Variants in PRKCB observed in about 807,000 individuals in gnomAD.
PRKCB encodes protein kinase C beta.
In PRKCB, 13 loss-of-function variants were observed where a neutral mutation model predicts 81.5. That is an observed-to-expected ratio of 0.16 (90% CI 0.10 to 0.25). The LOEUF is 0.25. PRKCB is among the 10% of genes least tolerant of loss of function. The pLI, the probability that PRKCB is intolerant of heterozygous loss-of-function variation, is 1.00. For missense variants in PRKCB, 509 were observed against 875.7 expected (o/e 0.58, Z 5.29); for synonymous variants, 335 against 321.4 (o/e 1.04, Z -0.45).
intron 3 of PRKCB, among the ~76,000 whole-genome samples, chr16:24,018,340 C>T (rs1197794189): frequency 1.3e-5 from 2 of 152,142 alleles, no homozygotes; most frequent in Non-Finnish European, 2.9e-5. Flanking sequence ...CGTGAGCCAC[C>T]GGACCTGGCA....
chr16:23,934,926 C>T (rs1387568693), intron 2 of PRKCB, among the ~76,000 whole-genome samples: 1 of 152,156 alleles, frequency 6.6e-6, no homozygotes, highest in Non-Finnish European at 1.5e-5. Flanking sequence ...ACTTCTTGAA[C>T]AAAGTTGGCT....
rs532814112 is a variant in PRKCB at position 24,183,660 on chromosome 16, G to A, written c.1534-1451G>A. On this transcript the variant is annotated intron_variant, in intron 13 of 16. Coordinates refer to ENST00000643927, the MANE Select transcript of PRKCB (RefSeq NM_002738.7). ...GAGGGCATAATATGTGAAAGCCACC[G>A]AGTATCTCATTCATCCTCACATAAC... Among the ~76,000 whole-genome samples, 213 of 152,290 alleles carry A rather than the reference G, an allele frequency of 1.4e-3. 3 individuals carry two copies. Among genetic ancestry groups the A allele is most frequent in the Middle Eastern group, 0.014 (4 of 294 alleles).
intron 2 of PRKCB, among the ~76,000 whole-genome samples, chr16:23,857,775 C>G (rs1450182241): frequency 6.6e-6 from 1 of 152,076 alleles, no homozygotes; most frequent in East Asian, 1.9e-4. Context: ...AGAAGGATCT[C>G]TATTCATTGG....
At chr16:23,985,311 G>T (rs1382866011) in intron 2 of PRKCB, among the ~76,000 whole-genome samples, 1 of 152,090 alleles carries the variant, frequency 6.6e-6, no homozygotes, top group Non-Finnish European at 1.5e-5. Context: ...TGGCCAGGCT[G>T]GTCTCGAACT....
intron 15 of PRKCB, among the ~76,000 whole-genome samples, chr16:24,190,320 A>T (rs932670838): frequency 4.6e-5 from 7 of 152,168 alleles, no homozygotes; most frequent in African/African-American, 1.7e-4. Flanking sequence ...TGCAAATGGT[A>T]TCTGAATGAA....
Position 24,154,775 on chromosome 16 carries a change from G to A in PRKCB, c.1157G>A (p.Cys386Tyr). 1 of 1,614,232 alleles carries A rather than the reference G, an allele frequency of 6.2e-7. No individual in the cohort carries two copies. The highest frequency in any genetic ancestry group is 1.6e-4 in the Middle Eastern group (1 of 6,062). The change falls in exon 10 of 17, where the codon TGC becomes TAC. Residue 386 changes from cysteine (C) to tyrosine (Y), a missense_variant. Coordinates refer to ENST00000643927, the MANE Select transcript of PRKCB (RefSeq NM_002738.7). ...GTGATCCAAGATGATGACGTGGAGT[G>A]CACTATGGTGGAGAAGCGGGTGTTG... ...DVVIQDDDVE[C>Y]TMVEKRVLAL...
chr16:24,004,944 G>T (rs1474685078), intron 3 of PRKCB, among the ~76,000 whole-genome samples: 2 of 152,074 alleles, frequency 1.3e-5, no homozygotes, highest in Non-Finnish European at 2.9e-5. Flanking sequence ...ATTTGAAAAT[G>T]ACCCAAGTCT....
At chr16:23,843,532 G>A (rs1236847594) in intron 2 of PRKCB, among the ~76,000 whole-genome samples, 1 of 152,056 alleles carries the variant, frequency 6.6e-6, no homozygotes, top group South Asian at 2.1e-4. Flanking sequence ...TCTTAAAAAG[G>A]AGGGCTGATT....
chr16:24,163,416 C>T (rs1197950336), intron 10 of PRKCB, among the ~76,000 whole-genome samples: 1 of 152,178 alleles, frequency 6.6e-6, no homozygotes, highest in Non-Finnish European at 1.5e-5. Context: ...ATCAGAAATG[C>T]AACCCAGGCA....
At position 23,980,340 on chromosome 16, in the gene PRKCB, A is replaced by G. The variant is rs111374199; in HGVS notation, c.206-8168A>G. On this transcript the variant is annotated intron_variant, in intron 2 of 16. Transcript: ENST00000643927. ...TACTTGGTAGAGTTTAATGCGGATA[A>G]GTCTGTGGGTCAGCTTTGACCTAGG... 7.6e-3 allele frequency among the ~76,000 whole-genome samples: 1,157 copies of G among 152,356 alleles called. 12 individuals carry two copies. The highest frequency in any genetic ancestry group is 0.025 in the African/African-American group (1,032 of 41,586).
chr16:24,092,954 G>A lies in PRKCB; in HGVS notation c.686+7G>A. ...GGAATGAGACATTTAGATTGTAAGT[G>A]GAAATGACTGCAGTGAGCATGGGTG... is the stretch of plus-strand genomic sequence containing the variant. On this transcript the variant is annotated splice_region_variant and intron_variant, in intron 6 of 16. Transcript: ENST00000643927. 2 of 1,612,730 alleles carry A rather than the reference G, an allele frequency of 1.2e-6. No homozygotes were observed. Among genetic ancestry groups the A allele is most frequent in the Non-Finnish European group, 1.7e-6 (2 of 1,179,740 alleles).
intron 3 of PRKCB, among the ~76,000 whole-genome samples, chr16:24,019,769 A>T (rs1392894699): frequency 4.6e-5 from 7 of 151,972 alleles, no homozygotes; most frequent in Admixed American, 1.3e-4. Flanking sequence ...GCCTAAAAAA[A>T]AAAAAGAAAA....
intron 2 of PRKCB, among the ~76,000 whole-genome samples, chr16:23,904,222 C>T (rs1318308523): frequency 1.3e-5 from 2 of 152,152 alleles, no homozygotes; most frequent in Non-Finnish European, 2.9e-5. Context: ...GGGCTCAAAT[C>T]CCAGATTTCC....
chr16:24,017,627 C>T (rs1458098346), intron 3 of PRKCB, among the ~76,000 whole-genome samples: 3 of 152,112 alleles, frequency 2.0e-5, no homozygotes, highest in African/African-American at 7.2e-5. Flanking sequence ...GGGTTAATAT[C>T]CTTAAATAAT....
intron 7 of PRKCB, among the ~76,000 whole-genome samples, chr16:24,106,440 T>G (rs955141539): frequency 1.3e-5 from 2 of 151,994 alleles, no homozygotes; most frequent in African/African-American, 4.8e-5. Context: ...ATTGACCCTA[T>G]AGAGAGAGAG....
At chr16:23,944,570 C>T (rs985059281) in intron 2 of PRKCB, among the ~76,000 whole-genome samples, 1 of 152,188 alleles carries the variant, frequency 6.6e-6, no homozygotes, top group African/African-American at 2.4e-5. Context: ...CTCACATGAT[C>T]TCATGATCTC....
chr16:24,018,643 A>G (rs1965317756), intron 3 of PRKCB, among the ~76,000 whole-genome samples: 1 of 152,246 alleles, frequency 6.6e-6, no homozygotes. Flanking sequence ...AGTTTATACA[A>G]TAGAAGCTTA....
intron 2 of PRKCB, among the ~76,000 whole-genome samples, chr16:23,969,352 A>G (rs889399052): frequency 2.6e-5 from 4 of 152,150 alleles, no homozygotes; most frequent in Admixed American, 6.5e-5. Context: ...TTCTGTTACT[A>G]TAGATTAATG....
intron 5 of PRKCB, among the ~76,000 whole-genome samples, chr16:24,071,221 G>C (rs1304818813): frequency 6.6e-6 from 1 of 152,036 alleles, no homozygotes; most frequent in Non-Finnish European, 1.5e-5. Flanking sequence ...CTTTCCATTT[G>C]AGACTTACTC....
Sources: gnomAD v4.1 joint callset for allele counts (sites outside exome capture counted in the v4.1 genomes callset) on GRCh38, gnomAD v4.1.1 for gene constraint, MANE v1.5 for transcripts, NCBI Gene and HGNC (gene_info 2026-07-23, HGNC 2026-07-21) for gene names.